Variants in CSMD1 observed in about 807,000 individuals in gnomAD.
The protein encoded by CSMD1 is CUB and sushi domain-containing protein 1.
A neutral mutation model predicts 417.5 loss-of-function variants in CSMD1; 213 were observed. The ratio of observed to expected loss-of-function variants is 0.51; its 90% CI spans 0.46 to 0.57. The LOEUF (loss-of-function observed/expected upper bound fraction) is 0.57, where lower values mean the gene tolerates loss of function less well. Ranked by LOEUF, CSMD1 falls within the 20% of genes least tolerant of loss-of-function variation. The pLI is 0.00. For missense variants in CSMD1, 6,923 were observed against 4,529.7 expected (o/e 1.53, Z -15.17); for synonymous variants, 2,862 against 1,736.8 (o/e 1.65, Z -16.11).
intron 3 of CSMD1, among the ~76,000 whole-genome samples, chr8:4,418,183 A>AT (rs965662317): frequency 5.2e-4 from 79 of 152,186 alleles, no homozygotes; most frequent in African/African-American, 1.9e-3. Flanking sequence ...TCAGACTATA[A>AT]TATCACCATT....
intron 11 of CSMD1, among the ~76,000 whole-genome samples, chr8:3,476,141 A>G (rs1817400243): frequency 6.6e-6 from 1 of 152,192 alleles, no homozygotes; most frequent in Non-Finnish European, 1.5e-5. Context: ...CCAGGAGTTC[A>G]AGACTAGCCT....
intron 41 of CSMD1, among the ~76,000 whole-genome samples, chr8:3,134,188 A>G (rs1375405356): frequency 1.3e-5 from 2 of 152,088 alleles, no homozygotes; most frequent in Admixed American, 6.5e-5. Flanking sequence ...CAAGAAAAAA[A>G]AGAGAAAAAG....
In CSMD1 at chr8:3,399,504, C is replaced by T. The variant is rs374326454; in HGVS notation, c.2292G>A (p.Ala764=). Residue 764 remains alanine, a synonymous_variant, in exon 16 of 70, where the codon GCG becomes GCA. Coordinates refer to ENST00000635120, the MANE Select transcript of CSMD1 (RefSeq NM_033225.6). The part of the protein sequence containing the change: ...CEAPCGGHLT[A]SSGVILPPGW... Reference sequence around the variant, plus strand: ...CAGGAGGCAAAATGACTCCGCTGGACGCTGTCAGATGTCCACCACATGGAG... The same window carrying T: ...CAGGAGGCAAAATGACTCCGCTGGATGCTGTCAGATGTCCACCACATGGAG... The T allele has an allele frequency of 1.1e-4, 179 of 1,602,630 alleles. No individual in the cohort carries two copies. Among genetic ancestry groups the T allele is most frequent in the Middle Eastern group, 3.3e-4 (2 of 6,046 alleles).
intron 3 of CSMD1, among the ~76,000 whole-genome samples, chr8:4,275,357 G>A (rs556245734): frequency 1.3e-5 from 2 of 152,148 alleles, no homozygotes; most frequent in African/African-American, 4.8e-5. Flanking sequence ...AAGAAACTCA[G>A]TGCCAAGATT....
chr8:4,249,730 C>G (rs1441215035), intron 3 of CSMD1, among the ~76,000 whole-genome samples: 1 of 152,112 alleles, frequency 6.6e-6, no homozygotes, highest in East Asian at 1.9e-4. Context: ...GCAGAAGTAG[C>G]TCAGTACTGG....
intron 2 of CSMD1, among the ~76,000 whole-genome samples, chr8:4,541,141 A>C (rs1026251280): frequency 6.6e-6 from 1 of 152,094 alleles, no homozygotes; most frequent in East Asian, 1.9e-4. Context: ...TTTACCACCA[A>C]TTTAAGCCAA....
intron 3 of CSMD1, among the ~76,000 whole-genome samples, chr8:4,224,536 T>C (rs147180116): frequency 5.3e-5 from 8 of 152,248 alleles, no homozygotes; most frequent in African/African-American, 1.9e-4. Context: ...GTTACCCGGC[T>C]AGGAACTCAA....
intron 39 of CSMD1, among the ~76,000 whole-genome samples, chr8:3,157,457 C>T (rs1045408878): frequency 6.6e-6 from 1 of 152,190 alleles, no homozygotes; most frequent in Non-Finnish European, 1.5e-5. Flanking sequence ...CAGGCTGTTT[C>T]CAACATGAAA....
chr8:4,443,697 A>T (rs994948516), intron 2 of CSMD1, among the ~76,000 whole-genome samples: 1 of 152,228 alleles, frequency 6.6e-6, no homozygotes, highest in African/African-American at 2.4e-5. Context: ...GCAATTCCCA[A>T]CAAAATTCTA....
In CSMD1 at chr8:4,695,363, C is replaced by T. The variant is rs1420195947; in HGVS notation, c.86-57805G>A. ...TCCATGCTTGAGAGTGAGGACTGGC[C>T]CCTGTTCACATGTGTTATTTACACG... On this transcript the variant is annotated intron_variant, in intron 1 of 69. Coordinates refer to ENST00000635120, the MANE Select transcript of CSMD1 (RefSeq NM_033225.6). Among the ~76,000 whole-genome samples the T allele has an allele frequency of 3.9e-5, 6 of 152,038 alleles. 1 individual carries two copies. Among genetic ancestry groups the T allele is most frequent in the Non-Finnish European group, 7.4e-5 (5 of 68,012 alleles).
chr8:3,506,481 G>A (rs936717519), intron 10 of CSMD1, among the ~76,000 whole-genome samples: 1 of 152,196 alleles, frequency 6.6e-6, no homozygotes, highest in African/African-American at 2.4e-5. Context: ...GGGGGAATAA[G>A]TTACTTCCAG....
chr8:3,950,474 C>G (rs1811528548), intron 5 of CSMD1, among the ~76,000 whole-genome samples: 1 of 152,196 alleles, frequency 6.6e-6, no homozygotes, highest in Admixed American at 6.5e-5. Flanking sequence ...TGCTAATGCA[C>G]AAACATAACA....
intron 2 of CSMD1, among the ~76,000 whole-genome samples, chr8:4,619,676 T>C (rs1431766806): frequency 6.6e-6 from 1 of 152,166 alleles, no homozygotes; most frequent in Non-Finnish European, 1.5e-5. Context: ...GCCAAAGATA[T>C]GTCACTAAAA....
chr8:4,897,301 A>G (rs1220335433), intron 1 of CSMD1, among the ~76,000 whole-genome samples: 1 of 152,046 alleles, frequency 6.6e-6, no homozygotes. Context: ...AAAAAAACGG[A>G]AAAAATAAAA....
At chr8:4,343,375 A>T (rs550047364) in intron 3 of CSMD1, among the ~76,000 whole-genome samples, 10 of 152,178 alleles carry the variant, frequency 6.6e-5, no homozygotes, top group African/African-American at 2.4e-4. Flanking sequence ...TGAATTTAAT[A>T]TTCTCTTGCT....
chr8:4,126,796 G>C (rs1326122002), intron 3 of CSMD1, among the ~76,000 whole-genome samples: 1 of 152,144 alleles, frequency 6.6e-6, no homozygotes, highest in Non-Finnish European at 1.5e-5. Context: ...CTTCATTCTG[G>C]AGATGTGTCC....
chr8:3,920,765 A>G (rs918945347), intron 5 of CSMD1, among the ~76,000 whole-genome samples: 16 of 151,732 alleles, frequency 1.1e-4, no homozygotes, highest in African/African-American at 3.9e-4. Flanking sequence ...TTAGTGGGGT[A>G]TATCCAATTT....
At chr8:4,226,108 G>A (rs1027197408) in intron 3 of CSMD1, among the ~76,000 whole-genome samples, 3 of 131,038 alleles carry the variant, frequency 2.3e-5, no homozygotes, top group Admixed American at 7.5e-5. Context: ...ACACACACAC[G>A]CCAACACACA....
intron 1 of CSMD1, among the ~76,000 whole-genome samples, chr8:4,773,597 C>G (rs1215974565): frequency 6.6e-6 from 1 of 152,028 alleles, no homozygotes; most frequent in African/African-American, 2.4e-5. Flanking sequence ...ATCAGGATAC[C>G]AAGGATTCCT....
Sources: allele counts gnomAD v4.1 joint callset (sites outside exome capture counted in the v4.1 genomes callset), GRCh38; gene constraint gnomAD v4.1.1; transcripts MANE v1.5; gene names NCBI Gene and HGNC (gene_info 2026-07-23, HGNC 2026-07-21).